KCND2: variants seen among roughly 807,000 people sequenced by gnomAD.
KCND2 encodes the protein potassium voltage-gated channel subfamily D member 2, also known as A-type voltage-gated potassium channel KCND2.
In KCND2, 16 loss-of-function variants were observed where a neutral mutation model predicts 54.4. The ratio of observed to expected loss-of-function variants is 0.29; its 90% CI spans 0.20 to 0.45. KCND2 has a LOEUF of 0.45. KCND2 is among the 20% of genes least tolerant of loss of function. The pLI, the probability that KCND2 is intolerant of heterozygous loss-of-function variation, is 1.00. For synonymous variants in KCND2, 317 were observed against 310.7 expected, an observed-to-expected ratio of 1.02 and a Z score of -0.21; for missense variants, 486 against 824.2, an observed-to-expected ratio of 0.59 and a Z score of 5.02.
chr7:120,287,128 G>A (rs1319024748), intron 1 of KCND2, among the ~76,000 whole-genome samples: 1 of 152,046 alleles, frequency 6.6e-6, no homozygotes, highest in Non-Finnish European at 1.5e-5. Context: ...ATAATGAAGT[G>A]TGGCTGCACC....
chr7:120,676,175 T>G lies in KCND2; in HGVS notation c.1116-56728T>G, dbSNP rs1242949320. Among the ~76,000 whole-genome samples, 5 of 152,324 alleles carry G rather than the reference T, an allele frequency of 3.3e-5. No homozygotes were observed. In the East Asian group the frequency reaches 7.7e-4, roughly 24 times the overall value. Reference sequence around the variant, plus strand: ...CTTAGCACAAGGAACAGCCTAGCATTTATAGATGTTCAACAAATGGCTGTT... The same window carrying G: ...CTTAGCACAAGGAACAGCCTAGCATGTATAGATGTTCAACAAATGGCTGTT... On this transcript the variant is annotated intron_variant, in intron 1 of 5. Transcript: ENST00000331113.
At chr7:120,616,552 G>C (rs1264727554) in intron 1 of KCND2, among the ~76,000 whole-genome samples, 2 of 152,102 alleles carry the variant, frequency 1.3e-5, no homozygotes, top group African/African-American at 2.4e-5. Context: ...CACTCACGAA[G>C]ACTAGTCACA....
intron 1 of KCND2, among the ~76,000 whole-genome samples, chr7:120,451,561 T>TTGGAAGGTGTCA (rs1311657161): frequency 2.0e-5 from 3 of 152,210 alleles, no homozygotes; most frequent in African/African-American, 7.2e-5. Flanking sequence ...ACCTTCAAGC[T>TTGGAAGGTGTCA]ATAGGTTGAC....
At chr7:120,379,791 A>G (rs1800888898) in intron 1 of KCND2, among the ~76,000 whole-genome samples, 1 of 152,042 alleles carries the variant, frequency 6.6e-6, no homozygotes, top group African/African-American at 2.4e-5. Flanking sequence ...TGGCCAACTG[A>G]AAGACTCCTG....
chr7:120,292,442 T>C (rs987152712), intron 1 of KCND2, among the ~76,000 whole-genome samples: 1 of 151,910 alleles, frequency 6.6e-6, no homozygotes, highest in African/African-American at 2.4e-5. Flanking sequence ...GACTTGTAAG[T>C]GAGATTCTTC....
intron 1 of KCND2, among the ~76,000 whole-genome samples, chr7:120,622,664 TAC>T (rs138167439): frequency 0.01 from 1,375 of 134,774 alleles, 7 homozygotes; most frequent in East Asian, 0.028. Context: ...TCCTTTTCCT[TAC>T]ACACACACAC....
At chr7:120,337,429 C>T (rs1411582977) in intron 1 of KCND2, among the ~76,000 whole-genome samples, 3 of 152,144 alleles carry the variant, frequency 2.0e-5, no homozygotes, top group Non-Finnish European at 2.9e-5. Flanking sequence ...TCTGTCAGCT[C>T]AGAGAGTATA....
intron 1 of KCND2, among the ~76,000 whole-genome samples, chr7:120,583,782 T>TTTG (rs1272623669): frequency 1.8e-5 from 1 of 54,512 alleles, no homozygotes; most frequent in African/African-American, 6.9e-5. Context: ...GCATAGGAAT[T>TTTG]GTGGGGGGGG....
At chr7:120,600,360 T>G (rs1396935248) in intron 1 of KCND2, among the ~76,000 whole-genome samples, 1 of 151,972 alleles carries the variant, frequency 6.6e-6, no homozygotes. Flanking sequence ...AACTTCAAAA[T>G]TTAGAATACT....
intron 1 of KCND2, among the ~76,000 whole-genome samples, chr7:120,325,953 C>T (rs912360168): frequency 6.6e-6 from 1 of 152,008 alleles, no homozygotes; most frequent in Admixed American, 6.6e-5. Context: ...AAATTAGGTA[C>T]ACTGGTTTTC....
chr7:120,723,966 T>C (rs1345350165), intron 1 of KCND2, among the ~76,000 whole-genome samples: 1 of 152,108 alleles, frequency 6.6e-6, no homozygotes, highest in Admixed American at 6.6e-5. Context: ...GAGAGGAATT[T>C]AGAAAAACTG....
At chr7:120,481,435 G>A (rs924462663) in intron 1 of KCND2, among the ~76,000 whole-genome samples, 5 of 152,166 alleles carry the variant, frequency 3.3e-5, no homozygotes, top group Non-Finnish European at 7.4e-5. Context: ...TGAAAAGGCT[G>A]TTTAAAAGGA....
intron 1 of KCND2, among the ~76,000 whole-genome samples, chr7:120,397,340 A>T (rs1442161058): frequency 6.6e-6 from 1 of 152,014 alleles, no homozygotes; most frequent in African/African-American, 2.4e-5. Context: ...CAAATTCTCC[A>T]CTTATCTGGT....
chr7:120,584,235 A>G (rs1792561894), intron 1 of KCND2, among the ~76,000 whole-genome samples: 1 of 152,232 alleles, frequency 6.6e-6, no homozygotes, highest in Non-Finnish European at 1.5e-5. Context: ...GCCCTTGTGT[A>G]TCAGCAGTTT....
chr7:120,720,580 G>T (rs1792654479), intron 1 of KCND2, among the ~76,000 whole-genome samples: 1 of 152,172 alleles, frequency 6.6e-6, no homozygotes, highest in South Asian at 2.1e-4. Flanking sequence ...GGCTGGGGAA[G>T]GAGCCAGTGT....
Position 120,748,061 on chromosome 7 carries a change from G to A in KCND2, c.*203G>A. 2 of 496,482 alleles carry A rather than the reference G, an allele frequency of 4.0e-6. No homozygotes were observed. Among genetic ancestry groups the A allele is most frequent in the Non-Finnish European group, 7.2e-6 (2 of 277,588 alleles). 30.8% of individuals were successfully genotyped at this position (496,482 alleles called of 1,614,324 possible). On this transcript the variant is annotated 3_prime_UTR_variant, in exon 6 of 6. Transcript: ENST00000331113. ...TAGACAGTTTGACCTGTTATACAGA[G>A]TAATATTCTGTGGCCCTTTGACTTT...
intron 1 of KCND2, among the ~76,000 whole-genome samples, chr7:120,376,841 G>A (rs940050049): frequency 2.6e-5 from 4 of 151,880 alleles, no homozygotes; most frequent in African/African-American, 7.2e-5. Flanking sequence ...GTTCTTTAAA[G>A]CATTCACACA....
chr7:120,379,278 G>C (rs564539544), intron 1 of KCND2, among the ~76,000 whole-genome samples: 1 of 152,032 alleles, frequency 6.6e-6, no homozygotes, highest in Non-Finnish European at 1.5e-5. Flanking sequence ...TCATCCATAT[G>C]TAATAACATA....
intron 1 of KCND2, among the ~76,000 whole-genome samples, chr7:120,606,229 C>A (rs1792880550): frequency 6.6e-6 from 1 of 152,088 alleles, no homozygotes; most frequent in African/African-American, 2.4e-5. Context: ...AATTCAAATC[C>A]TCTGCCAATT....
Sources: allele counts gnomAD v4.1 joint callset (sites outside exome capture counted in the v4.1 genomes callset), GRCh38; gene constraint gnomAD v4.1.1; transcripts MANE v1.5; gene names NCBI Gene and HGNC (gene_info 2026-07-23, HGNC 2026-07-21).